The following SLC5A9 variants were observed in gnomAD, a reference collection of about 807,000 sequenced individuals.
The protein encoded by SLC5A9 is solute carrier family 5 member 9, also known as sodium/glucose cotransporter 4.
A neutral mutation model predicts 70.9 loss-of-function variants in SLC5A9; 59 were observed. The observed-to-expected ratio is 0.83, with a 90% confidence interval of 0.68 to 1.03. The LOEUF is 1.03. Among genes scored for constraint, SLC5A9 ranks in the 50% least tolerant of loss-of-function variants. SLC5A9 has a pLI of 0.00. For missense variants in SLC5A9, 832 were observed against 881.1 expected (o/e 0.94, Z 0.71); for synonymous variants, 340 against 346.5 (o/e 0.98, Z 0.21).
rs879504024 is a variant in SLC5A9 at position 48,227,162 on chromosome 1, TCA to T, written c.235-1687_235-1686del. 0.017 allele frequency among the ~76,000 whole-genome samples: 2,164 copies of T among 129,496 alleles called. 123 individuals are homozygous for T. In the East Asian group the frequency reaches 0.17, roughly 10 times the overall value. 85.0% of individuals were successfully genotyped at this position (129,496 alleles called of 152,430 possible). A position where few individuals can be genotyped will look rare whatever the true frequency, so the allele number is the denominator to read the frequency against. On this transcript the variant is annotated intron_variant, in intron 2 of 13. Coordinates refer to ENST00000438567, the MANE Select transcript of SLC5A9 (RefSeq NM_001011547.3). ...CGGTGCAAGTGCATGAGTGTGTGTG[TCA>T]GAGTGTGTGTGCGTGTGTGTGTGTA...
chr1:48,231,046 ACC>A (rs1644240964), intron 5 of SLC5A9, among the ~76,000 whole-genome samples: 1 of 152,040 alleles, frequency 6.6e-6, no homozygotes, highest in South Asian at 2.1e-4. Flanking sequence ...GAGGACTATG[ACC>A]CAAGCCAGAG....
At chr1:48,246,123 C>T (rs974206083) in intron 13 of SLC5A9, among the ~76,000 whole-genome samples, 2 of 151,980 alleles carry the variant, frequency 1.3e-5, no homozygotes, top group African/African-American at 4.8e-5. Flanking sequence ...ATAGGCTCTC[C>T]GGGCATATGA....
Position 48,239,424 on chromosome 1 carries a change from C to A in SLC5A9, c.1564C>A (p.Pro522Thr), listed in dbSNP as rs1274578035. The change falls in exon 12 of 14, where the codon CCA (proline) becomes ACA (threonine). Residue 522 changes from proline (P) to threonine (T), a missense_variant. Transcript: ENST00000438567. The surrounding 1 kb of genome is among the most constrained non-coding windows in gnomAD (Gnocchi z 4.2). Reference sequence around the variant, plus strand: ...AGCCTGTGGGGAGGTGGACCGGAGGCCAGCAGTGCTGAAGGACTTCCACTA... The same window carrying A: ...AGCCTGTGGGGAGGTGGACCGGAGGACAGCAGTGCTGAAGGACTTCCACTA... ...APACGEVDRR[P>T]AVLKDFHYLY... 3 of 1,614,172 alleles carry A rather than the reference C, an allele frequency of 1.9e-6. No homozygotes were observed. Among genetic ancestry groups the A allele is most frequent in the South Asian group, 2.2e-5 (2 of 91,082 alleles).
At chr1:48,234,692 T>C (rs745356040) in intron 9 of SLC5A9, among the ~76,000 whole-genome samples, 1 of 152,110 alleles carries the variant, frequency 6.6e-6, no homozygotes, top group Non-Finnish European at 1.5e-5. Context: ...GGTGGGATTA[T>C]GGAGGGCAGC....
At chr1:48,223,480 T>C (rs562970566) in intron 1 of SLC5A9, among the ~76,000 whole-genome samples, 41 of 152,168 alleles carry the variant, frequency 2.7e-4, no homozygotes, top group Non-Finnish European at 5.0e-4. Flanking sequence ...CCTGGGAACA[T>C]ATGAGGCCTA....
intron 4 of SLC5A9, among the ~76,000 whole-genome samples, chr1:48,229,825 C>T (rs879731650): frequency 5.3e-5 from 8 of 152,202 alleles, no homozygotes; most frequent in Non-Finnish European, 1.0e-4. Context: ...CAAACCTAGA[C>T]AGGTCAAATG....
chr1:48,232,083 G>T lies in SLC5A9; in HGVS notation c.829G>T (p.Asp277Tyr), dbSNP rs557745584. ...FHILRDPVSG[D>Y]IPWPGLIFGL... ...CATTCTTCGGGACCCTGTGAGCGGG[G>T]ACATCCCTTGGCCAGGTCTCATTTT... The change falls in exon 7 of 14, where the codon GAC becomes TAC. Residue 277 changes from aspartate (D) to tyrosine (Y), a missense_variant. Physicochemically the swap from Asp to Tyr is radical, Grantham distance 160 (BLOSUM62 -3). Transcript: ENST00000438567. The T allele has an allele frequency of 3.7e-6, 6 of 1,614,156 alleles. No homozygotes were observed. Among genetic ancestry groups the T allele is most frequent in the African/African-American group, 1.3e-5 (1 of 75,042 alleles).
At chr1:48,243,799 G>T (rs557261088) in intron 13 of SLC5A9, among the ~76,000 whole-genome samples, 11 of 152,266 alleles carry the variant, frequency 7.2e-5, no homozygotes, top group African/African-American at 2.4e-4. Flanking sequence ...AAATAAGTTT[G>T]CAAATTAAAG....
In SLC5A9 at chr1:48,235,780, T is replaced by C. The variant is rs750843034; in HGVS notation, c.1193T>C (p.Leu398Pro). Residue 398 changes from leucine to proline, a missense_variant, in exon 10 of 14, where the codon CTC (leucine) becomes CCC (proline). Physicochemically the swap from Leu to Pro is moderately conservative, Grantham distance 98. Transcript: ENST00000438567. The stretch of plus-strand genomic sequence containing the variant: ...ATCATGGCCGCTCTCATGAGCTCAC[T>C]CACCTCCATCTTCAACAGCAGCAGC... Reference protein sequence around the residue: ...AVIMAALMSSLTSIFNSSSTL... With the variant: ...AVIMAALMSSPTSIFNSSSTL... The C allele has an allele frequency of 3.7e-6, 6 of 1,614,192 alleles. No homozygotes were observed. The South Asian group carries it at 6.6e-5, about 18-fold the overall frequency.
At position 48,239,637 on chromosome 1, in the gene SLC5A9, C is replaced by G; in HGVS notation, c.1677+100C>G. ...CTTTTACTCTGTTGGGTTATGGTCT[C>G]CCCTGTGGCCACACAGATGTCCTTG... is the stretch of plus-strand genomic sequence containing the variant. On this transcript the variant is annotated intron_variant, in intron 12 of 13. Transcript: ENST00000438567. The surrounding 1 kb of genome is among the most constrained non-coding windows in gnomAD (Gnocchi z 4.2). 2 of 1,115,564 alleles carry G rather than the reference C, an allele frequency of 1.8e-6. No individual in the cohort carries two copies. The highest frequency in any genetic ancestry group is 2.7e-5 in the South Asian group (2 of 73,050). The allele number at this position is 1,115,564 out of a possible 1,614,324, so 69.1% of individuals were successfully genotyped here. A position where few individuals can be genotyped will look rare whatever the true frequency, so the allele number is the denominator to read the frequency against.
In SLC5A9 at chr1:48,247,400, C is replaced by T; in HGVS notation, c.1903C>T (p.Gln635Ter). The T allele has an allele frequency of 6.2e-7, 1 of 1,614,140 alleles. No individual in the cohort carries two copies. Among genetic ancestry groups the T allele is most frequent in the East Asian group, 2.2e-5 (1 of 44,874 alleles). Residue 635 changes from glutamine to a stop codon, truncating the protein, a stop_gained, in exon 14 of 14, where the codon CAG becomes TAG. Transcript: ENST00000438567. LOFTEE classifies it low-confidence loss of function (END_TRUNC). Reference protein sequence around the residue: ...WFCGLSGTPEQALSPAEKAAL... With the variant: ...WFCGLSGTPE ...CTGTGGGCTCTCTGGAACACCGGAGCAGGCCCTGAGCCCAGCAGAGAAGGC... is the reference window on the plus strand; with the variant it reads ...CTGTGGGCTCTCTGGAACACCGGAGTAGGCCCTGAGCCCAGCAGAGAAGGC...
At chr1:48,242,247 G>T in intron 12 of SLC5A9, 2 of 581,150 alleles carry the variant, frequency 3.4e-6, no homozygotes, top group Admixed American at 3.0e-5. Flanking sequence ...CACAAGCCTG[G>T]GGTAGAGCAC....
Position 48,246,117 on chromosome 1 carries a change from G to A in SLC5A9, c.1838-1218G>A, listed in dbSNP as rs140632775. Among the ~76,000 whole-genome samples, 911 of 152,180 alleles carry A rather than the reference G, an allele frequency of 6.0e-3. 23 individuals carry two copies. The highest frequency in any genetic ancestry group is 0.052 in the South Asian group (251 of 4,826). ...CTTAATAACTCCTTTAGTGACATAG[G>A]CTCTCCGGGCATATGAATTTAAATA... On this transcript the variant is annotated intron_variant, in intron 13 of 13. Transcript: ENST00000438567.
At chr1:48,227,128 T>A (rs763101696) in intron 2 of SLC5A9, among the ~76,000 whole-genome samples, 7 of 149,576 alleles carry the variant, frequency 4.7e-5, no homozygotes, top group African/African-American at 1.5e-4. Context: ...TGTGAGTGTA[T>A]GTGTGCGACG....
chr1:48,233,353 T>C (rs1569840812), intron 8 of SLC5A9, among the ~76,000 whole-genome samples: 1 of 81,382 alleles, frequency 1.2e-5, no homozygotes, highest in Admixed American at 2.3e-4. Flanking sequence ...AGAGCGTGAC[T>C]CCATCTCAAA....
At chr1:48,231,018 G>A (rs566077130) in intron 5 of SLC5A9, among the ~76,000 whole-genome samples, 1 of 152,262 alleles carries the variant, frequency 6.6e-6, no homozygotes, top group East Asian at 1.9e-4. Context: ...CTAACTGCCT[G>A]GGGAGCAGGG....
chr1:48,227,222 A>C (rs904020137), intron 2 of SLC5A9, among the ~76,000 whole-genome samples: 61 of 92,618 alleles, frequency 6.6e-4, no homozygotes, highest in African/African-American at 2.8e-3. Context: ...GTGTGTGTGC[A>C]TGTGTGAGTG....
intron 4 of SLC5A9, among the ~76,000 whole-genome samples, chr1:48,230,331 A>C: frequency 6.6e-6 from 1 of 150,814 alleles, no homozygotes; most frequent in Non-Finnish European, 1.5e-5. Context: ...ATTCCTCACC[A>C]CTCCCTTCAT....
intron 2 of SLC5A9, chr1:48,228,610 TCACTG>T: frequency 1.8e-6 from 1 of 567,230 alleles, no homozygotes; most frequent in Non-Finnish European, 3.0e-6. Flanking sequence ...CACCATTTAC[TCACTG>T]GGTGACCTGG....
Sources: allele counts gnomAD v4.1 joint callset (sites outside exome capture counted in the v4.1 genomes callset), GRCh38; gene constraint gnomAD v4.1.1; non-coding constraint Gnocchi (gnomAD v3.1); transcripts MANE v1.5; gene names NCBI Gene and HGNC (gene_info 2026-07-23, HGNC 2026-07-21).